Variants in KYNU observed in about 807,000 individuals in gnomAD.
The protein encoded by KYNU is kynureninase, also known as L-kynurenine hydrolase.
A neutral mutation model predicts 59.2 loss-of-function variants in KYNU; 54 were observed. That is an observed-to-expected ratio of 0.91 (90% CI 0.73 to 1.14). The LOEUF is 1.14. Ranked by LOEUF, KYNU falls within the 50% of genes most tolerant of loss-of-function variation. The pLI is 0.00. For missense variants in KYNU, 567 were observed against 554.4 expected (o/e 1.02, Z -0.23); for synonymous variants, 177 against 192.0 (o/e 0.92, Z 0.65).
At chr2:143,037,830 C>G (rs964576245) in intron 12 of KYNU, among the ~76,000 whole-genome samples, 11 of 152,128 alleles carry the variant, frequency 7.2e-5, no homozygotes, top group Non-Finnish European at 1.3e-4. Flanking sequence ...CTATTATTCT[C>G]TCTCAATATT....
chr2:142,967,468 T>C (rs1270581412), intron 8 of KYNU: 1 of 152,164 alleles, frequency 6.6e-6, no homozygotes, highest in East Asian at 1.9e-4. Context: ...ATAAGCTGTT[T>C]AAATTATTAA....
chr2:142,893,031 A>T (rs1681761750), intron 2 of KYNU, among the ~76,000 whole-genome samples: 1 of 152,210 alleles, frequency 6.6e-6, no homozygotes, highest in Non-Finnish European at 1.5e-5. Flanking sequence ...TGCAAAGAAG[A>T]CTGAGTCTAA....
chr2:143,048,467 T>A lies in KYNU; in HGVS notation c.*6295T>A, dbSNP rs1189465135. ...TCTAGCTTCCTCCCTCCTCTTTCTC[T>A]CTCTCTCTCTCTGTCTCTCTCTCTC... On this transcript the variant is annotated 3_prime_UTR_variant, in exon 14 of 14. Coordinates refer to ENST00000264170, the MANE Select transcript of KYNU (RefSeq NM_003937.3). The A allele has an allele frequency of 6.6e-6, 1 of 151,472 alleles. No homozygotes were observed. The highest frequency in any genetic ancestry group is 1.5e-5 in the Non-Finnish European group (1 of 67,996). 9.4% of individuals were successfully genotyped at this position (151,472 alleles called of 1,614,324 possible).
At chr2:143,001,714 C>A (rs1685712331) in intron 10 of KYNU, among the ~76,000 whole-genome samples, 1 of 152,170 alleles carries the variant, frequency 6.6e-6, no homozygotes, top group Admixed American at 6.6e-5. Context: ...TTGAGCAGGA[C>A]ATTGGCTTAA....
At chr2:142,912,106 A>T (rs1682498196) in intron 2 of KYNU, among the ~76,000 whole-genome samples, 1 of 151,960 alleles carries the variant, frequency 6.6e-6, no homozygotes, top group Admixed American at 6.6e-5. Context: ...ATTTTTTGGG[A>T]TAGTTTCAGC....
At chr2:142,891,392 A>C (rs192614298) in intron 2 of KYNU, among the ~76,000 whole-genome samples, 1 of 152,202 alleles carries the variant, frequency 6.6e-6, no homozygotes, top group Non-Finnish European at 1.5e-5. Flanking sequence ...TGGAGAAAAA[A>C]AAACGGTGCT....
intron 8 of KYNU, among the ~76,000 whole-genome samples, chr2:142,983,721 T>C (rs1297144683): frequency 6.6e-6 from 1 of 152,098 alleles, no homozygotes; most frequent in East Asian, 1.9e-4. Context: ...TATTTGCAAT[T>C]AAAACAAAAT....
At chr2:142,914,749 G>A (rs916588835) in intron 2 of KYNU, among the ~76,000 whole-genome samples, 1 of 152,124 alleles carries the variant, frequency 6.6e-6, no homozygotes, top group Non-Finnish European at 1.5e-5. Context: ...AGCTATGTCC[G>A]TATAAGATGG....
rs538897206 is a variant in KYNU at position 142,982,543 on chromosome 2, C to T, written c.730-2541C>T. ...AACATTGTGAATTCCACTAGGCAGA[C>T]ACACAAAACACTTAAAACCTCATGA... On this transcript the variant is annotated intron_variant, in intron 8 of 13. Coordinates refer to ENST00000264170, the MANE Select transcript of KYNU (RefSeq NM_003937.3). Among the ~76,000 whole-genome samples the T allele has an allele frequency of 2.0e-5, 3 of 152,096 alleles. No individual in the cohort carries two copies. The South Asian group carries it at 6.2e-4, about 32-fold the overall frequency.
At position 143,042,242 on chromosome 2, in the gene KYNU, T is replaced by A; in HGVS notation, c.*70T>A. 1 of 1,439,512 alleles carries A rather than the reference T, an allele frequency of 6.9e-7. No individual in the cohort carries two copies. The highest frequency in any genetic ancestry group is 9.7e-7 in the Non-Finnish European group (1 of 1,035,854). The allele number at this position is 1,439,512 out of a possible 1,614,324, so 89.2% of individuals were successfully genotyped here. ...TGTGGTTATTTCAGTATTATTCGAT[T>A]TTTAATTATTGAAAGTATGTCACCA... On this transcript the variant is annotated 3_prime_UTR_variant, in exon 14 of 14. Transcript: ENST00000264170.
chr2:142,960,672 G>A lies in KYNU; in HGVS notation c.631G>A (p.Glu211Lys), dbSNP rs1422213337. ...IEDILEVIEKEGDSIAVILFS... is the reference protein window; with the variant it reads ...IEDILEVIEKKGDSIAVILFS... ...GGATATCCTTGAAGTAATTGAGAAG[G>A]AAGGAGACTCAATTGCAGTGATCCT... The change falls in exon 8 of 14, where the codon GAA becomes AAA. Residue 211 changes from glutamate (E) to lysine (K), a missense_variant. Coordinates refer to ENST00000264170, the MANE Select transcript of KYNU (RefSeq NM_003937.3). The A allele has an allele frequency of 6.2e-7, 1 of 1,613,344 alleles. No homozygotes were observed. Among genetic ancestry groups the A allele is most frequent in the Non-Finnish European group, 8.5e-7 (1 of 1,179,374 alleles).
At chr2:142,887,950 TC>T (rs1681572532) in intron 2 of KYNU, among the ~76,000 whole-genome samples, 1 of 152,166 alleles carries the variant, frequency 6.6e-6, no homozygotes, top group Admixed American at 6.5e-5. Flanking sequence ...AAAAACGTTT[TC>T]CCCTTAGAGA....
chr2:142,943,288 G>T (rs938242483), intron 4 of KYNU, among the ~76,000 whole-genome samples: 1 of 152,094 alleles, frequency 6.6e-6, no homozygotes, highest in Non-Finnish European at 1.5e-5. Flanking sequence ...ATTTTGGGTC[G>T]TGATTGAGTC....
Position 143,029,679 on chromosome 2 carries a change from A to G in KYNU, c.955A>G (p.Lys319Glu). The G allele has an allele frequency of 6.6e-7, 1 of 1,518,676 alleles. No homozygotes were observed. The highest frequency in any genetic ancestry group is 9.2e-7 in the Non-Finnish European group (1 of 1,092,814). The allele number at this position is 1,518,676 out of a possible 1,614,324, so 94.1% of individuals were successfully genotyped here. The change falls in exon 11 of 14, where the codon AAA becomes GAA. Residue 319 changes from lysine (K) to glutamate (E), a missense_variant and splice_region_variant. By Grantham distance (56) the Lys-to-Glu change is moderately conservative. Coordinates refer to ENST00000264170, the MANE Select transcript of KYNU (RefSeq NM_003937.3). ...CAGCACCAGATTTAAGATGGATAAC[A>G]GTAAGTGTATTTATTTTACCTAATG... The part of the protein sequence containing the change: ...ELSTRFKMDN[K>E]LQLIPGVCGF...
intron 10 of KYNU, among the ~76,000 whole-genome samples, chr2:143,004,262 T>A (rs186620191): frequency 3.9e-4 from 60 of 152,314 alleles, no homozygotes; most frequent in African/African-American, 1.4e-3. Flanking sequence ...TGTTTAACCA[T>A]AGGCCTATGA....
At chr2:142,971,066 A>G (rs1266991275) in intron 8 of KYNU, 1 of 152,154 alleles carries the variant, frequency 6.6e-6, no homozygotes, top group Non-Finnish European at 1.5e-5. Flanking sequence ...AAATGTAGTC[A>G]TATGCCAACA....
chr2:142,986,677 T>C (rs1317908888), intron 10 of KYNU, among the ~76,000 whole-genome samples: 1 of 151,804 alleles, frequency 6.6e-6, no homozygotes, highest in Non-Finnish European at 1.5e-5. Flanking sequence ...TTCCTTTTAC[T>C]TTTTTCTGGT....
intron 12 of KYNU, among the ~76,000 whole-genome samples, chr2:143,033,860 T>A (rs1435221792): frequency 6.6e-6 from 1 of 152,136 alleles, no homozygotes; most frequent in Non-Finnish European, 1.5e-5. Context: ...AAACCAAAGA[T>A]TAAATAAGGT....
chr2:143,018,216 A>C (rs1165612115), intron 10 of KYNU, among the ~76,000 whole-genome samples: 1 of 152,178 alleles, frequency 6.6e-6, no homozygotes, highest in Non-Finnish European at 1.5e-5. Context: ...TTCTTTGCCA[A>C]AGCTGATATC....
Sources: gnomAD v4.1 joint callset for allele counts (sites outside exome capture counted in the v4.1 genomes callset) on GRCh38, gnomAD v4.1.1 for gene constraint, MANE v1.5 for transcripts, NCBI Gene and HGNC (gene_info 2026-07-23, HGNC 2026-07-21) for gene names.